KLHL1: variants seen among roughly 807,000 people sequenced by gnomAD.
KLHL1 encodes the protein kelch-like protein 1.
In KLHL1, 47 loss-of-function variants were observed where a neutral mutation model predicts 77.7. The ratio of observed to expected loss-of-function variants is 0.60; its 90% CI spans 0.48 to 0.77. KLHL1 has a LOEUF of 0.77. Ranked by LOEUF, KLHL1 falls within the 30% of genes least tolerant of loss-of-function variation. KLHL1 has a pLI of 0.00. For synonymous variants in KLHL1, 360 were observed against 325.2 expected (o/e 1.11, Z -1.15); for missense variants, 925 against 910.8 (o/e 1.02, Z -0.20).
intron 7 of KLHL1, among the ~76,000 whole-genome samples, chr13:69,747,752 A>T (rs190256667): frequency 1.3e-5 from 2 of 152,144 alleles, no homozygotes; most frequent in African/African-American, 4.8e-5. Context: ...AATGTTGCTA[A>T]GAACATTAGG....
chr13:69,920,968 C>A (rs1401868773), intron 4 of KLHL1, among the ~76,000 whole-genome samples: 1 of 152,110 alleles, frequency 6.6e-6, no homozygotes, highest in Non-Finnish European at 1.5e-5. Context: ...AGGTCTGTTT[C>A]TGCATAACAA....
At chr13:70,085,898 T>C (rs993036512) in intron 1 of KLHL1, among the ~76,000 whole-genome samples, 6 of 152,044 alleles carry the variant, frequency 3.9e-5, no homozygotes, top group Non-Finnish European at 5.9e-5. Flanking sequence ...CAAAGAACAC[T>C]GAATAAAGAG....
At chr13:70,062,741 C>A (rs924300218) in intron 1 of KLHL1, among the ~76,000 whole-genome samples, 1 of 151,998 alleles carries the variant, frequency 6.6e-6, no homozygotes, top group Non-Finnish European at 1.5e-5. Flanking sequence ...ATGTATTAAA[C>A]TTGTCTCTGT....
At chr13:69,973,866 T>G (rs1593640121) in intron 2 of KLHL1, among the ~76,000 whole-genome samples, 2 of 152,052 alleles carry the variant, frequency 1.3e-5, no homozygotes. Flanking sequence ...GGCTGAGACA[T>G]CTCCAGGTTT....
chr13:69,817,320 G>T (rs80088474), intron 6 of KLHL1, among the ~76,000 whole-genome samples: 3,304 of 152,272 alleles, frequency 0.022, 113 homozygotes, highest in African/African-American at 0.076. Context: ...GGCAAAAAAA[G>T]AAGTCATAAA....
At chr13:69,926,669 C>T (rs926251141) in intron 4 of KLHL1, among the ~76,000 whole-genome samples, 7 of 151,858 alleles carry the variant, frequency 4.6e-5, no homozygotes, top group Middle Eastern at 3.2e-3. Flanking sequence ...GAATTCAGGC[C>T]GGGCGCGGTA....
intron 1 of KLHL1, among the ~76,000 whole-genome samples, chr13:70,042,369 A>T (rs1029742596): frequency 2.1e-4 from 32 of 152,136 alleles, no homozygotes; most frequent in Admixed American, 1.9e-3. Flanking sequence ...AGGTAGGAGC[A>T]TGTGTATATT....
chr13:70,043,999 C>A (rs1196627210), intron 1 of KLHL1, among the ~76,000 whole-genome samples: 1 of 152,140 alleles, frequency 6.6e-6, no homozygotes, highest in East Asian at 1.9e-4. Context: ...TGTTCCATAG[C>A]AGTAGAAATC....
At chr13:69,923,820 G>T (rs1483089053) in intron 4 of KLHL1, among the ~76,000 whole-genome samples, 2 of 152,140 alleles carry the variant, frequency 1.3e-5, no homozygotes, top group African/African-American at 4.8e-5. Flanking sequence ...AGTTGGCAGG[G>T]CAGGAGTTTG....
rs369388836 is a variant in KLHL1 at position 69,820,518 on chromosome 13, T to A, written c.1414+18458A>T. 1.1e-4 allele frequency among the ~76,000 whole-genome samples: 17 copies of A among 152,210 alleles called. No homozygotes were observed. The South Asian group carries it at 3.3e-3, about 30-fold the overall frequency. ...TCATTTTACAAAAAAATAAAAAGGA[T>A]AATTGAAAAAGGGAATTGGCCAACA... On this transcript the variant is annotated intron_variant, in intron 6 of 10. Coordinates refer to ENST00000377844, the MANE Select transcript of KLHL1 (RefSeq NM_020866.3).
intron 7 of KLHL1, among the ~76,000 whole-genome samples, chr13:69,785,670 A>G (rs1876499257): frequency 6.6e-6 from 1 of 150,638 alleles, no homozygotes; most frequent in African/African-American, 2.5e-5. Context: ...AGCAGAACTG[A>G]AGGAAATAGA....
chr13:69,946,579 C>A (rs552021162), intron 3 of KLHL1, among the ~76,000 whole-genome samples: 3 of 152,086 alleles, frequency 2.0e-5, no homozygotes, highest in African/African-American at 7.2e-5. Context: ...GTGGCATGAT[C>A]CTAGCTCACT....
intron 6 of KLHL1, among the ~76,000 whole-genome samples, chr13:69,824,686 C>T (rs75234827): frequency 6.6e-6 from 1 of 151,848 alleles, no homozygotes; most frequent in Non-Finnish European, 1.5e-5. Context: ...GTGAAGTCTA[C>T]AAATAGGCAA....
At chr13:69,717,720 TAGC>T (rs1872832555) in intron 9 of KLHL1, among the ~76,000 whole-genome samples, 1 of 151,738 alleles carries the variant, frequency 6.6e-6, no homozygotes, top group African/African-American at 2.4e-5. Flanking sequence ...CTCAAGAATT[TAGC>T]AGAGAAAATG....
intron 2 of KLHL1, among the ~76,000 whole-genome samples, chr13:69,961,897 A>T (rs1884076539): frequency 6.6e-6 from 1 of 152,012 alleles, no homozygotes; most frequent in South Asian, 2.1e-4. Context: ...ATAACCAATA[A>T]GGCAAATCCC....
In KLHL1 at chr13:69,888,642, T is replaced by TC. The variant is rs1881306982; in HGVS notation, c.1015-6148dup. Reference sequence around the variant, plus strand: ...GCTGGAAGAAGCAAGAAAGGATTCTTCCCCAGACACTTTAGGAAAAAACAT... The same window carrying TC: ...GCTGGAAGAAGCAAGAAAGGATTCTTCCCCCAGACACTTTAGGAAAAAACAT... On this transcript the variant is annotated intron_variant, in intron 4 of 10. Coordinates refer to ENST00000377844, the MANE Select transcript of KLHL1 (RefSeq NM_020866.3). Among the ~76,000 whole-genome samples the TC allele has an allele frequency of 2.6e-5, 4 of 152,194 alleles. No individual in the cohort carries two copies. The Middle Eastern group carries it at 0.014, about 518-fold the overall frequency.
At chr13:69,895,077 G>A (rs1014432097) in intron 4 of KLHL1, 3 of 475,288 alleles carry the variant, frequency 6.3e-6, no homozygotes, top group African/African-American at 4.0e-5. Flanking sequence ...CACCCACTTC[G>A]GATCTTGCTT....
chr13:70,086,074 C>A (rs1887529153), intron 1 of KLHL1, among the ~76,000 whole-genome samples: 2 of 152,006 alleles, frequency 1.3e-5, no homozygotes, highest in South Asian at 2.1e-4. Flanking sequence ...TATTACTATT[C>A]CCATCTTATC....
At chr13:69,723,840 A>ATTTTTT (rs746350927) in intron 8 of KLHL1, among the ~76,000 whole-genome samples, 1,342 of 58,248 alleles carry the variant, frequency 0.023, 39 homozygotes, top group African/African-American at 0.047. Flanking sequence ...GCCAGTCAGA[A>ATTTTTT]TTTTTTTTTT....
Sources: gnomAD v4.1 joint callset for allele counts (sites outside exome capture counted in the v4.1 genomes callset) on GRCh38, gnomAD v4.1.1 for gene constraint, MANE v1.5 for transcripts, NCBI Gene and HGNC (gene_info 2026-07-23, HGNC 2026-07-21) for gene names.